The following BMPR1A variants were observed in gnomAD, a reference collection of about 807,000 sequenced individuals.
BMPR1A encodes bone morphogenetic protein receptor type-1A.
BMPR1A carries 7 observed loss-of-function variants against 66.0 expected under a neutral mutation model. That is an observed-to-expected ratio of 0.11 (90% confidence interval 0.06 to 0.20). The LOEUF (loss-of-function observed/expected upper bound fraction) is 0.20. BMPR1A is among the 10% of genes least tolerant of loss of function. The pLI is 1.00. For synonymous variants in BMPR1A, 200 were observed against 229.7 expected (o/e 0.87, Z 1.17); for missense variants, 408 against 669.1 (o/e 0.61, Z 4.31).
chr10:86,892,984 G>T (rs965235310), intron 5 of BMPR1A, among the ~76,000 whole-genome samples: 1 of 151,234 alleles, frequency 6.6e-6, no homozygotes, highest in Admixed American at 6.6e-5. Context: ...TGCAGCTAAC[G>T]TTTCTTTAAA....
intron 1 of BMPR1A, among the ~76,000 whole-genome samples, chr10:86,772,140 T>TG (rs1439691694): frequency 6.8e-6 from 1 of 146,324 alleles, no homozygotes; most frequent in Non-Finnish European, 1.5e-5. Flanking sequence ...TTTTTTTTTT[T>TG]TTTTTTTTGA....
At chr10:86,914,047 T>C (rs890921801) in intron 8 of BMPR1A, among the ~76,000 whole-genome samples, 7 of 151,794 alleles carry the variant, frequency 4.6e-5, no homozygotes, top group African/African-American at 1.5e-4. Context: ...GGCATAAGGA[T>C]AGATGTATTG....
At chr10:86,861,327 T>A (rs1213889996) in intron 2 of BMPR1A, among the ~76,000 whole-genome samples, 1 of 152,230 alleles carries the variant, frequency 6.6e-6, no homozygotes, top group Non-Finnish European at 1.5e-5. Flanking sequence ...TTCTTAAACC[T>A]ATGGGTTTGT....
chr10:86,788,133 G>A (rs914432459), intron 1 of BMPR1A, among the ~76,000 whole-genome samples: 2 of 152,142 alleles, frequency 1.3e-5, no homozygotes, highest in African/African-American at 4.8e-5. Flanking sequence ...TCTAACTAGG[G>A]TTTGTTTCAA....
intron 1 of BMPR1A, among the ~76,000 whole-genome samples, chr10:86,809,423 G>A (rs764847723): frequency 2.3e-4 from 35 of 151,738 alleles, no homozygotes; most frequent in Admixed American, 3.9e-4. Context: ...TCAAGTAGCC[G>A]GGACTACAGG....
At chr10:86,887,627 T>G (rs1294742206) in intron 3 of BMPR1A, among the ~76,000 whole-genome samples, 1 of 152,222 alleles carries the variant, frequency 6.6e-6, no homozygotes, top group African/African-American at 2.4e-5. Context: ...ACTTGAACCC[T>G]TCACTTCTTG....
intron 7 of BMPR1A, among the ~76,000 whole-genome samples, chr10:86,903,288 TA>T (rs1843337002): frequency 6.6e-6 from 1 of 152,204 alleles, no homozygotes. Flanking sequence ...TTAAAATAGT[TA>T]TTATAACTGT....
chr10:86,829,813 T>C (rs950075830), intron 1 of BMPR1A, among the ~76,000 whole-genome samples: 1 of 152,220 alleles, frequency 6.6e-6, no homozygotes, highest in African/African-American at 2.4e-5. Flanking sequence ...TTTTGAAAGA[T>C]AATCTCTTTC....
chr10:86,910,451 G>A (rs1037762034), intron 7 of BMPR1A, among the ~76,000 whole-genome samples: 2 of 152,190 alleles, frequency 1.3e-5, no homozygotes, highest in East Asian at 1.9e-4. Context: ...GTGTACTTAC[G>A]TGGAATGATA....
chr10:86,908,625 G>A (rs746343813), intron 7 of BMPR1A, among the ~76,000 whole-genome samples: 2 of 152,172 alleles, frequency 1.3e-5, no homozygotes, highest in Non-Finnish European at 2.9e-5. Context: ...CTCTTACCAC[G>A]TCATTGCACC....
intron 1 of BMPR1A, among the ~76,000 whole-genome samples, chr10:86,806,770 A>T (rs1012476466): frequency 1.3e-5 from 2 of 151,718 alleles, no homozygotes; most frequent in South Asian, 4.2e-4. Context: ...GCCAGGCTTG[A>T]TACTCCTGGG....
chr10:86,778,382 A>G (rs1841385917), intron 1 of BMPR1A, among the ~76,000 whole-genome samples: 1 of 151,946 alleles, frequency 6.6e-6, no homozygotes, highest in Non-Finnish European at 1.5e-5. Flanking sequence ...GAGCTCAAGC[A>G]GTCTGCTTGC....
At chr10:86,833,189 C>T (rs3858286) in intron 1 of BMPR1A, among the ~76,000 whole-genome samples, 2 of 151,944 alleles carry the variant, frequency 1.3e-5, no homozygotes, top group Non-Finnish European at 2.9e-5. Context: ...GCAATGTATG[C>T]GGGTTCCAGC....
intron 1 of BMPR1A, among the ~76,000 whole-genome samples, chr10:86,806,042 A>G (rs1841885574): frequency 6.6e-6 from 1 of 152,054 alleles, no homozygotes; most frequent in African/African-American, 2.4e-5. Context: ...TGACATCAAC[A>G]TTTTTGAAGA....
At chr10:86,766,840 T>C (rs1159652209) in intron 1 of BMPR1A, among the ~76,000 whole-genome samples, 1 of 150,288 alleles carries the variant, frequency 6.7e-6, no homozygotes, top group Non-Finnish European at 1.5e-5. Flanking sequence ...TTTTTTTTTT[T>C]TGGAGACCGA....
At chr10:86,831,293 C>A (rs1339960932) in intron 1 of BMPR1A, among the ~76,000 whole-genome samples, 1 of 152,030 alleles carries the variant, frequency 6.6e-6, no homozygotes, top group Non-Finnish European at 1.5e-5. Flanking sequence ...GGAGGATTAA[C>A]TTATTTTATA....
chr10:86,800,177 C>T (rs183564824), intron 1 of BMPR1A, among the ~76,000 whole-genome samples: 68 of 152,246 alleles, frequency 4.5e-4, no homozygotes, highest in Admixed American at 4.4e-3. Context: ...AGATTTCTGA[C>T]TCATCTTGAA....
Position 86,899,824 on chromosome 10 carries a change from A to T in BMPR1A, c.364A>T (p.Ile122Leu). 6.2e-7 allele frequency: 1 copy of T among 1,614,176 alleles called. No homozygotes were observed. Among genetic ancestry groups the T allele is most frequent in the Non-Finnish European group, 8.5e-7 (1 of 1,180,010 alleles). Residue 122 changes from isoleucine (I) to leucine (L), a missense_variant, in exon 6 of 13, where the codon ATA (isoleucine) becomes TTA (leucine). Ile to Leu is a conservative substitution (Grantham distance 5, BLOSUM62 2). Coordinates refer to ENST00000372037, the MANE Select transcript of BMPR1A (RefSeq NM_004329.3). Reference protein sequence around the residue: ...DSPKAQLRRTIECCRTNLCNQ... With the variant: ...DSPKAQLRRTLECCRTNLCNQ... ...TCCAAAAGCCCAGCTACGCCGGACA[A>T]TAGAATGTTGTCGGACCAATTTATG...
At chr10:86,848,842 A>G (rs572047404) in intron 2 of BMPR1A, among the ~76,000 whole-genome samples, 31 of 152,312 alleles carry the variant, frequency 2.0e-4, no homozygotes, top group African/African-American at 7.2e-4. Context: ...ACCTATGACA[A>G]CTGCATCTCT....
Sources: gnomAD v4.1 joint callset for allele counts (sites outside exome capture counted in the v4.1 genomes callset) on GRCh38, gnomAD v4.1.1 for gene constraint, MANE v1.5 for transcripts, NCBI Gene and HGNC (gene_info 2026-07-23, HGNC 2026-07-21) for gene names.